The following CTNNA2 variants were observed in gnomAD, a reference collection of about 807,000 sequenced individuals.
CTNNA2 encodes the protein catenin alpha 2.
In CTNNA2, 42 loss-of-function variants were observed where a neutral mutation model predicts 101.0. The observed-to-expected ratio is 0.42, with a 90% CI of 0.32 to 0.54. The LOEUF (loss-of-function observed/expected upper bound fraction) is 0.54, where lower values mean the gene tolerates loss of function less well. Ranked by LOEUF, CTNNA2 falls within the 20% of genes least tolerant of loss-of-function variation. CTNNA2 has a pLI of 0.14. For missense variants in CTNNA2, 871 were observed against 1,223.1 expected (o/e 0.71, Z 4.29); for synonymous variants, 450 against 456.4 (o/e 0.99, Z 0.18).
chr2:79,683,447 C>T (rs912866140), intron 2 of CTNNA2, among the ~76,000 whole-genome samples: 2 of 152,122 alleles, frequency 1.3e-5, no homozygotes, highest in African/African-American at 4.8e-5. Flanking sequence ...TTTGAGATAC[C>T]AGCTTGATGT....
At chr2:79,355,409 C>A (rs532833560) in intron 3 of CTNNA2, among the ~76,000 whole-genome samples, 1 of 152,240 alleles carries the variant, frequency 6.6e-6, no homozygotes, top group Non-Finnish European at 1.5e-5. Context: ...CTTTCATCAG[C>A]ATTTTGTAGT....
intron 7 of CTNNA2, among the ~76,000 whole-genome samples, chr2:80,306,139 C>A (rs1049262585): frequency 6.6e-6 from 1 of 152,072 alleles, no homozygotes; most frequent in African/African-American, 2.4e-5. Context: ...TGAATCATTC[C>A]ATTTTGTATT....
chr2:80,232,670 A>C (rs1709325418), intron 7 of CTNNA2, among the ~76,000 whole-genome samples: 1 of 152,140 alleles, frequency 6.6e-6, no homozygotes. Context: ...AGTGGGACAC[A>C]GTCTTGGAGT....
intron 7 of CTNNA2, among the ~76,000 whole-genome samples, chr2:80,074,952 T>G (rs55981839): frequency 6.6e-6 from 1 of 152,206 alleles, no homozygotes; most frequent in Non-Finnish European, 1.5e-5. Context: ...AGACAATTTG[T>G]CAATTAGGGA....
chr2:79,818,821 T>TTTTTTATATATATATATATATA lies in CTNNA2; in HGVS notation c.299-39191_299-39190insTTTTATATATATATATATATAT, dbSNP rs1553373413. Among the ~76,000 whole-genome samples the TTTTTTATATATATATATATATA allele has an allele frequency of 6.7e-5, 5 of 74,280 alleles. 1 individual carries two copies. Among genetic ancestry groups the TTTTTTATATATATATATATATA allele is most frequent in the African/African-American group, 3.7e-4 (5 of 13,582 alleles). 48.7% of individuals were successfully genotyped at this position (74,280 alleles called of 152,430 possible). The stretch of plus-strand genomic sequence containing the variant: ...ATATACTTCAGGATCCAAAATGCAA[T>TTTTTTATATATATATATATATA]TATATATATATATATATATATATAT... On this transcript the variant is annotated intron_variant, in intron 3 of 18. Coordinates refer to ENST00000402739, the MANE Select transcript of CTNNA2 (RefSeq NM_001282597.3).
intron 7 of CTNNA2, among the ~76,000 whole-genome samples, chr2:80,205,712 G>A (rs1233229003): frequency 6.6e-6 from 1 of 152,086 alleles, no homozygotes; most frequent in Non-Finnish European, 1.5e-5. Context: ...TTTCCAGATT[G>A]CTAAACCTTC....
intron 3 of CTNNA2, among the ~76,000 whole-genome samples, chr2:79,792,382 GT>G (rs1386454235): frequency 6.6e-6 from 1 of 152,172 alleles, no homozygotes; most frequent in East Asian, 1.9e-4. Context: ...TTCCTTTCCT[GT>G]AATACAGACT....
intron 4 of CTNNA2, chr2:79,498,782 C>A (rs1671286423): frequency 2.0e-5 from 3 of 152,166 alleles, no homozygotes; most frequent in Admixed American, 2.0e-4. Context: ...TTCCAGGTCT[C>A]CTATTATCCT....
At chr2:79,930,915 C>A (rs181488441) in intron 7 of CTNNA2, among the ~76,000 whole-genome samples, 2 of 152,208 alleles carry the variant, frequency 1.3e-5, no homozygotes, top group Non-Finnish European at 2.9e-5. Flanking sequence ...CAGTATGAAG[C>A]AGATTTTAGA....
intron 7 of CTNNA2, among the ~76,000 whole-genome samples, chr2:80,345,325 G>A (rs113942534): frequency 6.6e-6 from 1 of 152,142 alleles, no homozygotes; most frequent in African/African-American, 2.4e-5. Context: ...TACATCTGCA[G>A]GTCCTTCTGT....
intron 3 of CTNNA2, 64 bp from the exon 4 acceptor site, chr2:79,857,949 C>G: frequency 6.6e-7 from 1 of 1,517,078 alleles, no homozygotes; most frequent in Non-Finnish European, 9.1e-7. Context: ...ATTCACAGAT[C>G]TTTAGGATGG....
At chr2:79,934,745 C>A (rs1287489782) in intron 7 of CTNNA2, among the ~76,000 whole-genome samples, 2 of 152,138 alleles carry the variant, frequency 1.3e-5, no homozygotes, top group Admixed American at 6.5e-5. Flanking sequence ...CCTCATTTCC[C>A]CCCAAAAAAG....
rs192480386 is a variant in CTNNA2 at position 80,522,349 on chromosome 2, T to C, written c.1291-22633T>C. Among the ~76,000 whole-genome samples, 8 of 152,258 alleles carry C rather than the reference T, an allele frequency of 5.3e-5. No homozygotes were observed. In the East Asian group the frequency reaches 1.4e-3, roughly 26 times the overall value. ...TGTGTTTGAGCAATAAAGTTGGAGA[T>C]CCAAGTTGGGGTCAGACAGTGGAGG... On this transcript the variant is annotated intron_variant, in intron 9 of 18. Coordinates refer to ENST00000402739, the MANE Select transcript of CTNNA2 (RefSeq NM_001282597.3).
At chr2:79,544,138 A>G (rs924904394) in intron 1 of CTNNA2, among the ~76,000 whole-genome samples, 5 of 152,188 alleles carry the variant, frequency 3.3e-5, no homozygotes, top group Non-Finnish European at 5.9e-5. Context: ...GGGTTTCACC[A>G]TATTGGCCAG....
chr2:79,676,844 A>T (rs1377330764), intron 2 of CTNNA2, among the ~76,000 whole-genome samples: 2 of 152,192 alleles, frequency 1.3e-5, no homozygotes, highest in Non-Finnish European at 2.9e-5. Flanking sequence ...TATCTAGATA[A>T]ATTTCTTCTC....
intron 7 of CTNNA2, among the ~76,000 whole-genome samples, chr2:80,078,033 C>T (rs1698872515): frequency 6.6e-6 from 1 of 151,598 alleles, no homozygotes; most frequent in Admixed American, 6.6e-5. Flanking sequence ...GGAAAGATTC[C>T]ACTTGTCCTA....
chr2:79,879,509 T>A (rs1192969588), intron 6 of CTNNA2, among the ~76,000 whole-genome samples: 1 of 152,160 alleles, frequency 6.6e-6, no homozygotes. Flanking sequence ...CAGTGGTTTG[T>A]AGTTCTCCTT....
chr2:80,608,819 C>T (rs922284987), intron 17 of CTNNA2, among the ~76,000 whole-genome samples: 1 of 151,834 alleles, frequency 6.6e-6, no homozygotes, highest in African/African-American at 2.4e-5. Flanking sequence ...GAATTTAATA[C>T]AGGTTGATGT....
chr2:79,577,856 C>T (rs933243202), intron 1 of CTNNA2, among the ~76,000 whole-genome samples: 6 of 152,230 alleles, frequency 3.9e-5, no homozygotes, highest in Non-Finnish European at 1.5e-5. Flanking sequence ...CTAATTCATT[C>T]CCTATGTTTA....
Sources: allele counts gnomAD v4.1 joint callset (sites outside exome capture counted in the v4.1 genomes callset), GRCh38; gene constraint gnomAD v4.1.1; transcripts MANE v1.5; gene names NCBI Gene and HGNC (gene_info 2026-07-23, HGNC 2026-07-21).